The following ADK variants were observed in gnomAD, a reference collection of about 807,000 sequenced individuals.
ADK encodes the protein adenosine kinase, also known as N6,N6-dimethyladenosine kinase.
Under a neutral mutation model 44.7 loss-of-function variants are expected in ADK, and 24 were observed. That is an observed-to-expected ratio of 0.54 (90% CI 0.39 to 0.76). ADK has a LOEUF of 0.76. Among genes scored for constraint, ADK ranks in the 30% least tolerant of loss-of-function variants. The probability of loss-of-function intolerance (pLI) is 0.00; values close to 1 mark genes in which losing one functional copy is unlikely to be tolerated. For synonymous variants in ADK, 128 were observed against 142.6 expected (o/e 0.90, Z 0.73); for missense variants, 321 against 425.1 (o/e 0.76, Z 2.15).
intron 10 of ADK, among the ~76,000 whole-genome samples, chr10:74,671,821 C>T (rs1205320575): frequency 1.3e-5 from 2 of 152,154 alleles, no homozygotes; most frequent in African/African-American, 4.8e-5. Context: ...TTCAGTGGGA[C>T]ACATAATGAG....
intron 4 of ADK, among the ~76,000 whole-genome samples, chr10:74,338,768 T>TG (rs1190769323): frequency 6.6e-6 from 1 of 152,124 alleles, no homozygotes; most frequent in Non-Finnish European, 1.5e-5. Context: ...AGAGATAATG[T>TG]GGGAGAAGGG....
intron 9 of ADK, among the ~76,000 whole-genome samples, chr10:74,624,693 A>C (rs1853117575): frequency 6.6e-6 from 1 of 152,054 alleles, no homozygotes. Flanking sequence ...ATGACCATAT[A>C]ACTTATTAGA....
At chr10:74,423,755 C>T (rs1844666843) in intron 6 of ADK, 2 of 414,418 alleles carry the variant, frequency 4.8e-6, no homozygotes, top group Non-Finnish European at 9.5e-6. Flanking sequence ...GCAAATGTAT[C>T]TTTTTTGGTG....
intron 6 of ADK, among the ~76,000 whole-genome samples, chr10:74,513,243 A>G (rs1457035070): frequency 3.9e-5 from 6 of 152,160 alleles, no homozygotes; most frequent in African/African-American, 1.4e-4. Context: ...CTGTTGGCTG[A>G]AATGTTCTAT....
intron 7 of ADK, among the ~76,000 whole-genome samples, chr10:74,528,712 A>G (rs1181919289): frequency 6.6e-6 from 1 of 152,204 alleles, no homozygotes; most frequent in African/African-American, 2.4e-5. Context: ...GATCAAAGGA[A>G]TTTAATAAAC....
chr10:74,309,871 A>C (rs574346860), intron 3 of ADK, among the ~76,000 whole-genome samples: 3 of 152,126 alleles, frequency 2.0e-5, no homozygotes, highest in African/African-American at 7.2e-5. Context: ...TTCATAAACT[A>C]TAAGTGTTTA....
At chr10:74,544,918 G>A (rs1024592614) in intron 7 of ADK, among the ~76,000 whole-genome samples, 1 of 151,220 alleles carries the variant, frequency 6.6e-6, no homozygotes, top group Non-Finnish European at 1.5e-5. Context: ...TTTTGAGACG[G>A]AATCTTGCCA....
At chr10:74,581,463 T>C (rs1851372206) in intron 7 of ADK, among the ~76,000 whole-genome samples, 1 of 151,998 alleles carries the variant, frequency 6.6e-6, no homozygotes, top group East Asian at 1.9e-4. Flanking sequence ...TGATCAAATA[T>C]ATAAAGACTA....
chr10:74,645,984 C>T (rs762678956), intron 9 of ADK, among the ~76,000 whole-genome samples: 11 of 152,126 alleles, frequency 7.2e-5, no homozygotes, highest in Non-Finnish European at 1.3e-4. Context: ...TCTGCAACTT[C>T]GATCTTATTA....
intron 10 of ADK, among the ~76,000 whole-genome samples, chr10:74,677,131 G>A (rs1193393350): frequency 1.3e-5 from 2 of 152,172 alleles, no homozygotes; most frequent in Non-Finnish European, 2.9e-5. Context: ...TGTGGTTCCA[G>A]CTACTCCGGA....
chr10:74,441,917 AG>A (rs1303369315), intron 6 of ADK, among the ~76,000 whole-genome samples: 1 of 152,184 alleles, frequency 6.6e-6, no homozygotes. Flanking sequence ...TTTCCATAGA[AG>A]ACATACAAAT....
chr10:74,529,145 A>G (rs1264770674), intron 7 of ADK: 1 of 152,206 alleles, frequency 6.6e-6, no homozygotes, highest in Non-Finnish European at 1.5e-5. Context: ...ACAAAATTTC[A>G]TGTATATATA....
intron 3 of ADK, among the ~76,000 whole-genome samples, chr10:74,279,026 A>G (rs569104345): frequency 1.4e-4 from 22 of 152,184 alleles, no homozygotes; most frequent in Non-Finnish European, 2.9e-4. Flanking sequence ...CACGCCTGTA[A>G]TCCCAGCACT....
intron 2 of ADK, among the ~76,000 whole-genome samples, chr10:74,204,664 C>T (rs146767797): frequency 1.3e-5 from 2 of 152,252 alleles, no homozygotes; most frequent in African/African-American, 4.8e-5. Context: ...CTACTATATA[C>T]AGTTACTTTA....
At position 74,339,598 on chromosome 10, in the gene ADK, A is replaced by T. The variant is rs577962482; in HGVS notation, c.273+24853A>T. The stretch of plus-strand genomic sequence containing the variant: ...GGTGTCATTTCTATGATGGTCCCAT[A>T]CAAAGCTGGACTCATTTTACAGATG... On this transcript the variant is annotated intron_variant, in intron 4 of 10. Transcript: ENST00000539909. Among the ~76,000 whole-genome samples, 9 of 152,334 alleles carry T rather than the reference A, an allele frequency of 5.9e-5. No homozygotes were observed. In the South Asian group the frequency reaches 1.7e-3, roughly 28 times the overall value.
chr10:74,466,018 T>G (rs1159975503), intron 6 of ADK, among the ~76,000 whole-genome samples: 6 of 152,164 alleles, frequency 3.9e-5, no homozygotes, highest in Non-Finnish European at 7.4e-5. Context: ...AAAATTTATT[T>G]TCTTACCTTA....
chr10:74,341,558 T>C (rs1010777905), intron 4 of ADK, among the ~76,000 whole-genome samples: 2 of 150,574 alleles, frequency 1.3e-5, no homozygotes, highest in Non-Finnish European at 3.0e-5. Flanking sequence ...ATTTTTGCAA[T>C]CATTAACTTA....
In ADK at chr10:74,350,346, T is replaced by C. The variant is rs564435837; in HGVS notation, c.273+35601T>C. 7.4e-4 allele frequency among the ~76,000 whole-genome samples: 113 copies of C among 152,050 alleles called. 1 individual carries two copies. The highest frequency in any genetic ancestry group is 2.6e-3 in the African/African-American group (109 of 41,486). On this transcript the variant is annotated intron_variant, in intron 4 of 10. Transcript: ENST00000539909. ...GTAAATAATGAAATTAAGGCAGAAA[T>C]AAAGAAGTTATTTGAAACCAATGAG...
At chr10:74,650,191 G>A (rs991861408) in intron 9 of ADK, among the ~76,000 whole-genome samples, 6 of 152,106 alleles carry the variant, frequency 3.9e-5, no homozygotes, top group African/African-American at 9.7e-5. Flanking sequence ...AGGCTGAGGC[G>A]GGCAGATCAT....
Sources: gnomAD v4.1 joint callset for allele counts (sites outside exome capture counted in the v4.1 genomes callset) on GRCh38, gnomAD v4.1.1 for gene constraint, MANE v1.5 for transcripts, NCBI Gene and HGNC (gene_info 2026-07-23, HGNC 2026-07-21) for gene names.